The following GLI2 variants were observed in gnomAD, a reference collection of about 807,000 sequenced individuals.
The protein encoded by GLI2 is transcription activator GLI2.
In GLI2, 22 loss-of-function variants were observed where a neutral mutation model predicts 78.9. That is an observed-to-expected ratio of 0.28 (90% CI 0.20 to 0.40). The LOEUF (loss-of-function observed/expected upper bound fraction) is 0.40, where lower values mean the gene tolerates loss of function less well. GLI2 is among the 10% of genes least tolerant of loss of function. The pLI, the probability that GLI2 is intolerant of heterozygous loss-of-function variation, is 1.00. For synonymous variants in GLI2, 974 were observed against 963.7 expected (o/e 1.01, Z -0.20); for missense variants, 2,097 against 2,213.2 (o/e 0.95, Z 1.05).
rs1378935320 is a variant in GLI2 at position 120,737,105 on chromosome 2, G to A, written c.-31+820G>A. On this transcript the variant is annotated intron_variant, in intron 1 of 13. Transcript: ENST00000361492. This position sits in a 1 kb window ranked among gnomAD's most constrained non-coding sequence, Gnocchi z 4.3. ...TCCACTACTGCAACTTGATCTGTAT[G>A]TGATGGATGGGGAGAGGCGCGGAGA... is the stretch of plus-strand genomic sequence containing the variant. 3.3e-5 allele frequency among the ~76,000 whole-genome samples: 5 copies of A among 152,164 alleles called. No individual in the cohort carries two copies. The highest frequency in any genetic ancestry group is 4.8e-5 in the African/African-American group (2 of 41,450).
chr2:120,881,245 C>T (rs545131255), intron 2 of GLI2, among the ~76,000 whole-genome samples: 1 of 152,370 alleles, frequency 6.6e-6, no homozygotes, highest in Admixed American at 6.5e-5. Flanking sequence ...GTTCCCTACA[C>T]CATGCCTAGA....
chr2:120,910,269 C>G (rs1036357815), intron 2 of GLI2, among the ~76,000 whole-genome samples: 1 of 152,210 alleles, frequency 6.6e-6, no homozygotes, highest in African/African-American at 2.4e-5. Flanking sequence ...GCAGGGCCCT[C>G]AGCCACCTGG....
intron 1 of GLI2, among the ~76,000 whole-genome samples, chr2:120,752,660 T>G (rs898486991): frequency 1.3e-5 from 2 of 152,232 alleles, no homozygotes; most frequent in Non-Finnish European, 2.9e-5. Context: ...ATACATACAT[T>G]ATAAAGTTTT....
chr2:120,969,105 T>C (rs1038476043), intron 6 of GLI2, among the ~76,000 whole-genome samples, 190 bp downstream of exon 6: 1 of 152,262 alleles, frequency 6.6e-6, no homozygotes, highest in Non-Finnish European at 1.5e-5. Flanking sequence ...AATGAGCCCA[T>C]ATCTGAGTAC....
chr2:120,951,501 C>T lies in GLI2; in HGVS notation c.457+56C>T, dbSNP rs1467143024. 2.6e-6 allele frequency: 3 copies of T among 1,163,056 alleles called. No homozygotes were observed. In the East Asian group the frequency reaches 7.1e-5, roughly 27 times the overall value. 72.0% of individuals were successfully genotyped at this position (1,163,056 alleles called of 1,614,324 possible). On this transcript the variant is annotated intron_variant, in intron 4 of 13. Coordinates refer to ENST00000361492, the MANE Select transcript of GLI2 (RefSeq NM_001374353.1). Reference sequence around the variant, plus strand: ...GCTAGGGCACTGGGGCAGGGCGCAGCCAGCCTCTCTCACGCTAACACTGTC... The same window carrying T: ...GCTAGGGCACTGGGGCAGGGCGCAGTCAGCCTCTCTCACGCTAACACTGTC...
intron 3 of GLI2, among the ~76,000 whole-genome samples, chr2:120,938,503 A>G (rs1007414431): frequency 6.6e-6 from 1 of 152,228 alleles, no homozygotes; most frequent in Non-Finnish European, 1.5e-5. Flanking sequence ...GCACAATTTT[A>G]TAACTTAATT....
chr2:120,776,883 C>T (rs1432752853), intron 1 of GLI2, among the ~76,000 whole-genome samples: 1 of 152,134 alleles, frequency 6.6e-6, no homozygotes, highest in Non-Finnish European at 1.5e-5. Flanking sequence ...GTAGAGGGCC[C>T]AAGGGTCTGC....
chr2:120,966,993 G>A (rs953675786), intron 5 of GLI2, among the ~76,000 whole-genome samples: 3 of 152,268 alleles, frequency 2.0e-5, no homozygotes, highest in Non-Finnish European at 4.4e-5. Context: ...CCTGCAGTCA[G>A]GGCAGCCTGC....
chr2:120,822,324 C>T lies in GLI2; in HGVS notation c.148+24856C>T, dbSNP rs56911814. On this transcript the variant is annotated intron_variant, in intron 2 of 13. Coordinates refer to ENST00000361492, the MANE Select transcript of GLI2 (RefSeq NM_001374353.1). Reference sequence around the variant, plus strand: ...GCTATGGGCATAGTGCCCTGCACAGCGGGTCCAGCTCAAGGGACAGGGACA... The same window carrying T: ...GCTATGGGCATAGTGCCCTGCACAGTGGGTCCAGCTCAAGGGACAGGGACA... 3.9e-5 allele frequency among the ~76,000 whole-genome samples: 6 copies of T among 152,188 alleles called. No individual in the cohort carries two copies. The East Asian group carries it at 5.8e-4, about 15-fold the overall frequency.
chr2:120,761,614 T>TG (rs1174200900), intron 1 of GLI2, among the ~76,000 whole-genome samples: 1 of 151,794 alleles, frequency 6.6e-6, no homozygotes, highest in Non-Finnish European at 1.5e-5. Context: ...CAGAAGGGTC[T>TG]GGGGGGTCGG....
chr2:120,803,016 C>T (rs1293817352), intron 2 of GLI2, among the ~76,000 whole-genome samples: 1 of 152,258 alleles, frequency 6.6e-6, no homozygotes, highest in Admixed American at 6.5e-5. Context: ...AGTTGGAGAA[C>T]CGCATGTTCT....
intron 1 of GLI2, among the ~76,000 whole-genome samples, chr2:120,736,894 C>T (rs968817949): frequency 4.1e-5 from 6 of 147,408 alleles, no homozygotes; most frequent in Non-Finnish European, 7.5e-5. Context: ...CTTTGCCTCT[C>T]TTCTCCTCCT....
At chr2:120,792,640 T>C (rs767181458) in intron 1 of GLI2, among the ~76,000 whole-genome samples, 2 of 152,224 alleles carry the variant, frequency 1.3e-5, no homozygotes, top group East Asian at 1.9e-4. Context: ...ATTTATTTAT[T>C]TGAGACAGAG....
At chr2:120,756,168 A>G (rs1353780738) in intron 1 of GLI2, among the ~76,000 whole-genome samples, 1 of 152,202 alleles carries the variant, frequency 6.6e-6, no homozygotes, top group East Asian at 1.9e-4. Context: ...GAGAGAATTG[A>G]CATCTTAATA....
intron 7 of GLI2, among the ~76,000 whole-genome samples, chr2:120,971,141 G>T (rs2105022401): frequency 6.6e-6 from 1 of 152,326 alleles, no homozygotes; most frequent in South Asian, 2.1e-4. Flanking sequence ...CCATCTTTGG[G>T]ATCCCAACTT....
chr2:120,945,147 A>G (rs1367080617), intron 3 of GLI2, among the ~76,000 whole-genome samples: 7 of 152,234 alleles, frequency 4.6e-5, no homozygotes, highest in Admixed American at 1.3e-4. Flanking sequence ...TCCTGGGGCA[A>G]GGACCCAATC....
chr2:120,805,415 G>C (rs1392349821), intron 2 of GLI2, among the ~76,000 whole-genome samples: 1 of 152,264 alleles, frequency 6.6e-6, no homozygotes, highest in Non-Finnish European at 1.5e-5. Context: ...TCCTGCCCCT[G>C]TGTGCTCCCT....
chr2:120,773,922 C>T (rs1683597892), intron 1 of GLI2, among the ~76,000 whole-genome samples: 3 of 139,726 alleles, frequency 2.1e-5, no homozygotes, highest in Admixed American at 2.1e-4. Context: ...TCCTTCCTTC[C>T]TTCCTTCCTT....
At chr2:120,968,588 G>C (rs1208253880) in intron 5 of GLI2, 126 bp from the exon 6 acceptor site, 5 of 769,826 alleles carry the variant, frequency 6.5e-6, no homozygotes, top group Non-Finnish European at 9.2e-6. Context: ...GCCCACAGCT[G>C]GAAAGTCGGC....
Sources: allele counts gnomAD v4.1 joint callset (sites outside exome capture counted in the v4.1 genomes callset), GRCh38; gene constraint gnomAD v4.1.1; non-coding constraint Gnocchi (gnomAD v3.1); transcripts MANE v1.5; gene names NCBI Gene and HGNC (gene_info 2026-07-23, HGNC 2026-07-21).